The following ZNF695 variants were observed in gnomAD, a reference collection of about 807,000 sequenced individuals.
ZNF695 encodes the protein zinc finger protein SBZF3.
ZNF695 carries 11 observed loss-of-function variants against 11.2 expected under a neutral mutation model. The ratio of observed to expected loss-of-function variants is 0.98; its 90% CI spans 0.62 to 1.62. ZNF695 has a LOEUF of 1.62. Ranked by LOEUF, ZNF695 falls within the 40% of genes most tolerant of loss-of-function variation. The probability of loss-of-function intolerance (pLI) is 0.00; values close to 1 mark genes in which losing one functional copy is unlikely to be tolerated. For missense variants in ZNF695, 559 were observed against 590.5 expected, an observed-to-expected ratio of 0.95 and a Z score of 0.55; for synonymous variants, 190 against 201.4, an observed-to-expected ratio of 0.94 and a Z score of 0.48.
chr1:246,959,894 CA>C (rs977399604), intron 5 of ZNF695, among the ~76,000 whole-genome samples: 224 of 152,240 alleles, frequency 1.5e-3, no homozygotes, highest in African/African-American at 5.2e-3. Flanking sequence ...TCCTCAGAAG[CA>C]AAAACTCTCC....
At chr1:246,967,790 T>C (rs1668326370) in exon 5 of ZNF695, 1 of 355,956 alleles carries the variant, frequency 2.8e-6, no homozygotes, top group African/African-American at 2.1e-5. Context: ...CATCTTCACA[T>C]GGCTGGCAGG....
At chr1:246,946,577 A>G (rs897633618) in intron 5 of ZNF695, among the ~76,000 whole-genome samples, 1 of 152,258 alleles carries the variant, frequency 6.6e-6, no homozygotes, top group Non-Finnish European at 1.5e-5. Flanking sequence ...TCCCGGTGAC[A>G]GCACCACAAA....
chr1:246,945,895 G>T, intron 5 of ZNF695: 1 of 1,533,192 alleles, frequency 6.5e-7, no homozygotes, highest in Non-Finnish European at 8.8e-7. Context: ...GATTTATGCT[G>T]AGGTGTTAAA....
downstream of ZNF695, among the ~76,000 whole-genome samples, chr1:246,984,279 T>TAA (rs1558313783): frequency 1.3e-4 from 16 of 125,502 alleles, 1 homozygote; most frequent in Middle Eastern, 8.7e-3. Context: ...AACACAGGTT[T>TAA]TAAAAAAAAA....
At chr1:246,988,397 A>T in intron 3 of ZNF695, 142 bp from the exon 4 acceptor site, 2 of 624,824 alleles carry the variant, frequency 3.2e-6, no homozygotes, top group South Asian at 6.2e-5. Context: ...TCATAATCCT[A>T]ACAAAAATAT....
intron 4 of ZNF695, among the ~76,000 whole-genome samples, chr1:246,971,594 C>A (rs1250909451): frequency 2.0e-5 from 3 of 152,200 alleles, no homozygotes; most frequent in Non-Finnish European, 4.4e-5. Context: ...CACACTCTTG[C>A]CTTCTGGTCG....
intron 4 of ZNF695, among the ~76,000 whole-genome samples, chr1:246,977,302 G>C (rs1668592763): frequency 6.6e-6 from 1 of 152,226 alleles, no homozygotes; most frequent in South Asian, 2.1e-4. Flanking sequence ...TGTCGCCCAG[G>C]CTGGAGTGCA....
intron 4 of ZNF695, among the ~76,000 whole-genome samples, chr1:246,977,392 G>C (rs1293004442): frequency 6.6e-6 from 1 of 152,216 alleles, no homozygotes; most frequent in Non-Finnish European, 1.5e-5. Flanking sequence ...GAGTAGCTGA[G>C]ACTACGGGTG....
chr1:246,988,227 A>C lies in ZNF695; in HGVS notation c.288T>G (p.Ile96Met). 1 of 1,578,328 alleles carries C rather than the reference A, an allele frequency of 6.3e-7. No individual in the cohort carries two copies. The highest frequency in any genetic ancestry group is 8.6e-7 in the Non-Finnish European group (1 of 1,166,796). The change falls in exon 4 of 4, where the codon ATT (isoleucine) becomes ATG (methionine). Residue 96 changes from isoleucine (I) to methionine (M), a missense_variant. By Grantham distance (10) the Ile-to-Met change is conservative. Coordinates refer to ENST00000339986, the MANE Select transcript of ZNF695 (RefSeq NM_020394.5). Reference sequence around the variant, plus strand: ...AAACTTGCAGGCCCTGCTCTGGCAAAATGTCTTCAGTAAGATAAGAAGACA... The same window carrying C: ...AAACTTGCAGGCCCTGCTCTGGCAACATGTCTTCAGTAAGATAAGAAGACA... ...SVLSSYLTEDILPEQGLQVSF... is the reference protein window; with the variant it reads ...SVLSSYLTEDMLPEQGLQVSF...
chr1:246,996,730 A>C (rs1275655540), intron 3 of ZNF695, among the ~76,000 whole-genome samples: 2 of 152,224 alleles, frequency 1.3e-5, no homozygotes, highest in Non-Finnish European at 2.9e-5. Context: ...TTAAAAATTA[A>C]AAATGAAAAT....
intron 3 of ZNF695, among the ~76,000 whole-genome samples, chr1:246,993,146 C>T (rs10802460): frequency 0.6 from 91,227 of 152,032 alleles, 29,413 homozygotes; most frequent in East Asian, 0.97. Flanking sequence ...CAGTGGCTCA[C>T]GCCAGTAATC....
Position 246,986,915 on chromosome 1 carries a change from G to A in ZNF695, c.*52C>T, listed in dbSNP as rs968001870. The A allele has an allele frequency of 1.3e-6, 2 of 1,518,348 alleles. No homozygotes were observed. The highest frequency in any genetic ancestry group is 1.4e-5 in the African/African-American group (1 of 71,708). The allele number at this position is 1,518,348 out of a possible 1,614,324, so 94.1% of individuals were successfully genotyped here. A position where few individuals can be genotyped will look rare whatever the true frequency, so the allele number is the denominator to read the frequency against. Reference sequence around the variant, plus strand: ...AGTAAAAATATTCTGCTGTGAAGTTGTGAATAGGTATTAAAGACTATGCCA... The same window carrying A: ...AGTAAAAATATTCTGCTGTGAAGTTATGAATAGGTATTAAAGACTATGCCA... On this transcript the variant is annotated 3_prime_UTR_variant, in exon 4 of 4. Coordinates refer to ENST00000339986, the MANE Select transcript of ZNF695 (RefSeq NM_020394.5).
chr1:246,956,337 C>T (rs143619755), intron 5 of ZNF695, among the ~76,000 whole-genome samples: 8,623 of 150,222 alleles, frequency 0.057, 687 homozygotes, highest in African/African-American at 0.18. Context: ...TCATGGGGGC[C>T]GGGCGCGGTG....
chr1:246,972,556 C>T (rs1668453191), intron 4 of ZNF695, among the ~76,000 whole-genome samples: 1 of 152,182 alleles, frequency 6.6e-6, no homozygotes, highest in Admixed American at 6.5e-5. Flanking sequence ...AAGTCTCATT[C>T]TGTCGCCCAG....
At position 246,963,794 on chromosome 1, in the gene ZNF695, A is replaced by G. The variant is rs1192434612; in HGVS notation, c.488+3901T>C. On this transcript the variant is annotated intron_variant, in intron 5 of 5. Transcript: ENST00000487338. Reference sequence around the variant, plus strand: ...GCTGGGTGATCTACAATTTAACTCAATCCTGACACTATGTACCTGGAGTTA... The same window carrying G: ...GCTGGGTGATCTACAATTTAACTCAGTCCTGACACTATGTACCTGGAGTTA... Among the ~76,000 whole-genome samples the G allele has an allele frequency of 3.9e-5, 6 of 152,220 alleles. No individual in the cohort carries two copies. The East Asian group carries it at 9.6e-4, about 24-fold the overall frequency.
chr1:246,970,331 G>A (rs1369023171), intron 4 of ZNF695, among the ~76,000 whole-genome samples: 3 of 151,574 alleles, frequency 2.0e-5, no homozygotes, highest in Admixed American at 6.6e-5. Context: ...GGGAAACAGA[G>A]GTGAGCCCTA....
At position 246,973,033 on chromosome 1, in the gene ZNF695, G is replaced by A. The variant is rs1269971524; in HGVS notation, c.391-5241C>T. 3.6e-5 allele frequency among the ~76,000 whole-genome samples: 5 copies of A among 138,160 alleles called. No individual in the cohort carries two copies. The East Asian group carries it at 6.2e-4, about 17-fold the overall frequency. 90.6% of individuals were successfully genotyped at this position (138,160 alleles called of 152,430 possible). On this transcript the variant is annotated intron_variant, in intron 4 of 5. Transcript: ENST00000487338. ...AGTAATAGGAAATTTCCTAAAATGTGTACACTAAGAACATATATATATATA... is the reference window on the plus strand; with the variant it reads ...AGTAATAGGAAATTTCCTAAAATGTATACACTAAGAACATATATATATATA...
chr1:246,965,356 CAAA>C (rs576946423), intron 5 of ZNF695, among the ~76,000 whole-genome samples: 7 of 67,436 alleles, frequency 1.0e-4, no homozygotes, highest in Admixed American at 3.6e-4. Flanking sequence ...GACTCTGTCT[CAAA>C]AAAAAAAAAA....
chr1:246,984,180 A>G (rs1464498067), downstream of ZNF695, among the ~76,000 whole-genome samples: 1 of 149,546 alleles, frequency 6.7e-6, no homozygotes, highest in Non-Finnish European at 1.5e-5. Flanking sequence ...AGAAGAAGAA[A>G]AAGAGAAAGT....
Sources: allele counts gnomAD v4.1 joint callset (sites outside exome capture counted in the v4.1 genomes callset), GRCh38; gene constraint gnomAD v4.1.1; transcripts MANE v1.5; gene names NCBI Gene and HGNC (gene_info 2026-07-23, HGNC 2026-07-21).